Variants in TACC2 observed in about 807,000 individuals in gnomAD.
TACC2 encodes the protein transforming acidic coiled-coil-containing protein 2.
A neutral mutation model predicts 227.3 loss-of-function variants in TACC2; 137 were observed. The ratio of observed to expected loss-of-function variants is 0.60; its 90% CI spans 0.52 to 0.69. The LOEUF (loss-of-function observed/expected upper bound fraction) is 0.69. Among genes scored for constraint, TACC2 ranks in the 30% least tolerant of loss-of-function variants. The pLI is 0.00. For missense variants in TACC2, 3,470 were observed against 3,694.4 expected, an observed-to-expected ratio of 0.94 and a Z score of 1.57; for synonymous variants, 1,523 against 1,487.5, an observed-to-expected ratio of 1.02 and a Z score of -0.55.
At position 122,254,409 on chromosome 10, in the gene TACC2, G is replaced by A. The variant is rs1032499439; in HGVS notation, c.*353G>A. The A allele has an allele frequency of 1.5e-5, 4 of 271,346 alleles. No individual in the cohort carries two copies. The highest frequency in any genetic ancestry group is 4.5e-5 in the African/African-American group (2 of 44,654). 16.8% of individuals were successfully genotyped at this position (271,346 alleles called of 1,614,324 possible). A position where few individuals can be genotyped will look rare whatever the true frequency, so the allele number is the denominator to read the frequency against. On this transcript the variant is annotated 3_prime_UTR_variant, in exon 23 of 23. Transcript: ENST00000369005. ...TGGATTTAATATGAACATGTACAGC[G>A]TGCATAGGGACTCTTGCCTTAAGGA...
intron 16 of TACC2, among the ~76,000 whole-genome samples, chr10:122,235,346 C>T (rs1036715863): frequency 2.0e-5 from 3 of 152,296 alleles, no homozygotes; most frequent in African/African-American, 7.2e-5. Flanking sequence ...CCTCAGCCTC[C>T]CAAAGTGTTT....
intron 16 of TACC2, among the ~76,000 whole-genome samples, chr10:122,235,884 C>T (rs781555107): frequency 1.3e-5 from 2 of 152,148 alleles, no homozygotes; most frequent in Non-Finnish European, 2.9e-5. Context: ...TGTGTACTTC[C>T]ATCTCTGGCC....
chr10:122,174,947 CTG>C (rs1412588599), intron 7 of TACC2, among the ~76,000 whole-genome samples: 2 of 152,164 alleles, frequency 1.3e-5, no homozygotes, highest in African/African-American at 4.8e-5. Flanking sequence ...AAGGCGATCA[CTG>C]TGGGTTTCAT....
intron 1 of TACC2, among the ~76,000 whole-genome samples, chr10:122,001,921 A>C (rs150100194): frequency 6.6e-6 from 1 of 152,216 alleles, no homozygotes; most frequent in Non-Finnish European, 1.5e-5. Context: ...CCAAGCTCTG[A>C]GTCATCTTTG....
chr10:122,124,268 A>G (rs1472720270), intron 5 of TACC2, among the ~76,000 whole-genome samples: 1 of 152,144 alleles, frequency 6.6e-6, no homozygotes, highest in South Asian at 2.1e-4. Context: ...ACCTAGTGTC[A>G]GGTAGATGTC....
At chr10:122,123,467 C>T (rs1046974098) in intron 5 of TACC2, among the ~76,000 whole-genome samples, 3 of 152,178 alleles carry the variant, frequency 2.0e-5, no homozygotes, top group African/African-American at 7.2e-5. Context: ...ACCTGGGGAA[C>T]CCACCTTTCA....
chr10:122,243,861 A>G (rs914372502), intron 19 of TACC2, among the ~76,000 whole-genome samples: 1 of 152,194 alleles, frequency 6.6e-6, no homozygotes, highest in African/African-American at 2.4e-5. Flanking sequence ...ATGCGGGGGA[A>G]AGGGTGTGAG....
At chr10:122,022,830 G>C (rs919712604) in intron 2 of TACC2, 2 of 152,160 alleles carry the variant, frequency 1.3e-5, no homozygotes, top group Admixed American at 1.3e-4. Context: ...ATTGTGCATA[G>C]GCTGAGATAT....
At chr10:122,043,074 C>CGGAGAGAGAGAGGCTT (rs1490711900) in intron 2 of TACC2, among the ~76,000 whole-genome samples, 1 of 152,092 alleles carries the variant, frequency 6.6e-6, no homozygotes, top group Non-Finnish European at 1.5e-5. Context: ...AGTTTATTGA[C>CGGAGAGAGAGAGGCTT]GGAGAGAGAG....
At chr10:122,186,756 G>A (rs1240276572) in intron 7 of TACC2, among the ~76,000 whole-genome samples, 1 of 152,032 alleles carries the variant, frequency 6.6e-6, no homozygotes, top group Non-Finnish European at 1.5e-5. Context: ...CAAGTGATCT[G>A]CCCACCGTGG....
At chr10:122,067,814 C>T (rs187654646) in intron 3 of TACC2, among the ~76,000 whole-genome samples, 40 of 152,184 alleles carry the variant, frequency 2.6e-4, no homozygotes, top group Admixed American at 2.1e-3. Context: ...CACCGGCCCT[C>T]GCTGTTTCTT....
At chr10:122,040,022 G>C (rs1181943702) in intron 2 of TACC2, among the ~76,000 whole-genome samples, 1 of 152,160 alleles carries the variant, frequency 6.6e-6, no homozygotes, top group Non-Finnish European at 1.5e-5. Flanking sequence ...CTGAGTCCTA[G>C]TTGTTACCCT....
At chr10:122,168,822 C>T (rs1294524458) in intron 7 of TACC2, among the ~76,000 whole-genome samples, 1 of 152,160 alleles carries the variant, frequency 6.6e-6, no homozygotes, top group Non-Finnish European at 1.5e-5. Context: ...TTTTTGGTTG[C>T]CTAGGAAACA....
chr10:122,157,376 A>G (rs1189484685), intron 7 of TACC2, among the ~76,000 whole-genome samples: 2 of 152,166 alleles, frequency 1.3e-5, no homozygotes, highest in Non-Finnish European at 2.9e-5. Flanking sequence ...GCTTGCTGAC[A>G]TAGCTATATG....
Position 122,238,737 on chromosome 10 carries a change from C to T in TACC2, c.8348+700C>T, listed in dbSNP as rs190854810. ...AAGTGCTGGGATTACAGGCATGAGTCGCTGCGCCTGACCCACCACTCTTTT... is the reference window on the plus strand; with the variant it reads ...AAGTGCTGGGATTACAGGCATGAGTTGCTGCGCCTGACCCACCACTCTTTT... On this transcript the variant is annotated intron_variant, in intron 18 of 22. Transcript: ENST00000369005. 4.0e-3 allele frequency among the ~76,000 whole-genome samples: 612 copies of T among 152,206 alleles called. 3 individuals carry two copies. Among genetic ancestry groups the T allele is most frequent in the African/African-American group, 0.012 (504 of 41,526 alleles).
intron 7 of TACC2, among the ~76,000 whole-genome samples, chr10:122,177,080 T>C (rs2093753129): frequency 6.6e-6 from 1 of 152,188 alleles, no homozygotes; most frequent in Non-Finnish European, 1.5e-5. Context: ...ATTTTCTTGA[T>C]GGATATCATT....
intron 3 of TACC2, 133 bp from the exon 4 acceptor site, chr10:122,082,514 T>A: frequency 1.1e-6 from 1 of 933,318 alleles, no homozygotes; most frequent in South Asian, 1.6e-5. Context: ...AGGAATGAGC[T>A]GCATGAGGAT....
chr10:121,990,211 C>T (rs77140283), intron 1 of TACC2, among the ~76,000 whole-genome samples: 2,095 of 151,872 alleles, frequency 0.014, 56 homozygotes, highest in African/African-American at 0.048. Context: ...CCCGGGCTAA[C>T]GCAATCCTCC....
chr10:122,142,282 G>A (rs2090696860), intron 6 of TACC2, among the ~76,000 whole-genome samples: 1 of 152,228 alleles, frequency 6.6e-6, no homozygotes, highest in Non-Finnish European at 1.5e-5. Flanking sequence ...TTGGACACTT[G>A]GCGGTATCCC....
Sources: allele counts gnomAD v4.1 joint callset (sites outside exome capture counted in the v4.1 genomes callset), GRCh38; gene constraint gnomAD v4.1.1; transcripts MANE v1.5; gene names NCBI Gene and HGNC (gene_info 2026-07-23, HGNC 2026-07-21).